Variants in ZDHHC2 observed in about 807,000 individuals in gnomAD.
The protein encoded by ZDHHC2 is palmitoyltransferase ZDHHC2.
ZDHHC2 carries 51 observed loss-of-function variants against 55.6 expected under a neutral mutation model. The observed-to-expected ratio is 0.92, with a 90% CI of 0.73 to 1.16. ZDHHC2 has a LOEUF of 1.16. Among genes scored for constraint, ZDHHC2 ranks in the 50% most tolerant of loss-of-function variants. The pLI is 0.00. For missense variants in ZDHHC2, 491 were observed against 442.4 expected (o/e 1.11, Z -0.99); for synonymous variants, 199 against 152.9 (o/e 1.30, Z -2.22).
intron 12 of ZDHHC2, among the ~76,000 whole-genome samples, chr8:17,218,991 C>T (rs968985958): frequency 6.6e-6 from 1 of 151,268 alleles, no homozygotes; most frequent in African/African-American, 2.4e-5. Flanking sequence ...TGGCTCACGC[C>T]TGGTAATCCC....
intron 6 of ZDHHC2, among the ~76,000 whole-genome samples, chr8:17,201,464 CTT>C (rs1355156266): frequency 7.5e-6 from 1 of 133,902 alleles, no homozygotes; most frequent in African/African-American, 2.7e-5. Flanking sequence ...CAGGGGCAGC[CTT>C]TTCTCTCTCT....
chr8:17,179,922 G>C (rs1478785506), intron 1 of ZDHHC2, among the ~76,000 whole-genome samples: 1 of 152,156 alleles, frequency 6.6e-6, no homozygotes, highest in Admixed American at 6.5e-5. Flanking sequence ...TATCATTGTA[G>C]GGCATGGACC....
At chr8:17,187,132 C>G (rs752255451) in intron 3 of ZDHHC2, among the ~76,000 whole-genome samples, 4 of 152,156 alleles carry the variant, frequency 2.6e-5, no homozygotes, top group African/African-American at 9.7e-5. Context: ...CCTTTCTTCT[C>G]GATGACCATG....
intron 1 of ZDHHC2, 77 bp downstream of exon 1, chr8:17,156,930 T>A (rs1563426381): frequency 1.5e-6 from 2 of 1,342,102 alleles, no homozygotes; most frequent in Admixed American, 3.3e-5. Flanking sequence ...CAGCCGCTCC[T>A]CCGCTCTCGC....
chr8:17,172,637 C>A (rs1454344570), intron 1 of ZDHHC2, among the ~76,000 whole-genome samples: 1 of 152,142 alleles, frequency 6.6e-6, no homozygotes, highest in African/African-American at 2.4e-5. Flanking sequence ...CACTTATAAC[C>A]TGGAGACTTT....
chr8:17,164,966 A>G (rs1478889745), intron 1 of ZDHHC2, among the ~76,000 whole-genome samples: 1 of 152,210 alleles, frequency 6.6e-6, no homozygotes, highest in Admixed American at 6.5e-5. Context: ...TTTGGATCCC[A>G]TGAGTCCTCT....
intron 3 of ZDHHC2, among the ~76,000 whole-genome samples, chr8:17,194,321 A>G (rs1303386295): frequency 6.8e-6 from 1 of 146,678 alleles, no homozygotes; most frequent in Non-Finnish European, 1.5e-5. Context: ...ATTTTTGTAT[A>G]TATACAAAAT....
chr8:17,220,461 G>A lies in ZDHHC2; in HGVS notation c.*240G>A, dbSNP rs1807872848. 6.6e-6 allele frequency: 1 copy of A among 152,144 alleles called. No homozygotes were observed. Among genetic ancestry groups the A allele is most frequent in the South Asian group, 2.1e-4 (1 of 4,840 alleles). 9.4% of individuals were successfully genotyped at this position (152,144 alleles called of 1,614,324 possible). The stretch of plus-strand genomic sequence containing the variant: ...CTATTAAATATTAAAAGTAGTTCTG[G>A]TTTATTAATCAACGGGGAAAACATC... On this transcript the variant is annotated 3_prime_UTR_variant, in exon 13 of 13. Transcript: ENST00000262096.
intron 1 of ZDHHC2, 28 bp from the exon 2 acceptor site, chr8:17,184,761 A>G: frequency 1.3e-6 from 2 of 1,545,226 alleles, no homozygotes; most frequent in Admixed American, 2.0e-5. Context: ...AGCTTCATGT[A>G]ACCTATTACC....
At chr8:17,182,789 T>C (rs1028266914) in intron 1 of ZDHHC2, among the ~76,000 whole-genome samples, 1 of 151,900 alleles carries the variant, frequency 6.6e-6, no homozygotes, top group Non-Finnish European at 1.5e-5. Flanking sequence ...TGAGACAGAG[T>C]CTCACTCTGT....
rs746447493 is a variant in ZDHHC2 at position 17,210,347 on chromosome 8, CT to C, written c.858-37del. The stretch of plus-strand genomic sequence containing the variant: ...TTTTGGCAGGGTTTCACTCCGTTGT[CT>C]TTTGTATGGTTCAGTTCTAAATTTT... On this transcript the variant is annotated intron_variant, in intron 9 of 12. Transcript: ENST00000262096. 1.9e-6 allele frequency: 3 copies of C among 1,585,810 alleles called. No individual in the cohort carries two copies. The East Asian group carries it at 6.7e-5, about 36-fold the overall frequency.
rs2150956187 is a variant in ZDHHC2 at position 17,222,141 on chromosome 8, C to T, written c.*1920C>T. 1 of 151,664 alleles carries T rather than the reference C, an allele frequency of 6.6e-6. No individual in the cohort carries two copies. Among genetic ancestry groups the T allele is most frequent in the Non-Finnish European group, 1.5e-5 (1 of 67,746 alleles). 9.4% of individuals were successfully genotyped at this position (151,664 alleles called of 1,614,324 possible). The stretch of plus-strand genomic sequence containing the variant: ...ACTGTTAATGCCCCTTTCCCACAGT[C>T]TTTTATATAATTAAATATATGTCAA... On this transcript the variant is annotated 3_prime_UTR_variant, in exon 13 of 13. Transcript: ENST00000262096.
intron 10 of ZDHHC2, among the ~76,000 whole-genome samples, chr8:17,212,030 C>T (rs1807412442): frequency 6.6e-6 from 1 of 152,056 alleles, no homozygotes; most frequent in Admixed American, 6.6e-5. Flanking sequence ...CCACTAAGGG[C>T]ACCATGAGAT....
intron 3 of ZDHHC2, among the ~76,000 whole-genome samples, chr8:17,190,388 C>G (rs1805956684): frequency 6.6e-6 from 1 of 152,138 alleles, no homozygotes; most frequent in Admixed American, 6.5e-5. Flanking sequence ...GAAGAAAGAG[C>G]CCTTGTCTGG....
At chr8:17,175,343 A>G (rs1373758581) in intron 1 of ZDHHC2, among the ~76,000 whole-genome samples, 1 of 152,132 alleles carries the variant, frequency 6.6e-6, no homozygotes. Flanking sequence ...ATTCACCCAC[A>G]TTGTAATTTA....
At chr8:17,214,968 T>G (rs1183656412) in intron 10 of ZDHHC2, among the ~76,000 whole-genome samples, 1 of 152,192 alleles carries the variant, frequency 6.6e-6, no homozygotes, top group Non-Finnish European at 1.5e-5. Context: ...AGCCTGGGGC[T>G]GAAGACTATT....
At chr8:17,187,282 G>C (rs1170255981) in intron 3 of ZDHHC2, among the ~76,000 whole-genome samples, 1 of 152,178 alleles carries the variant, frequency 6.6e-6, no homozygotes, top group Non-Finnish European at 1.5e-5. Flanking sequence ...ATGCATCCTG[G>C]TTAAACGTTC....
At chr8:17,187,439 G>A (rs768555171) in intron 3 of ZDHHC2, among the ~76,000 whole-genome samples, 3 of 151,970 alleles carry the variant, frequency 2.0e-5, no homozygotes, top group East Asian at 1.9e-4. Context: ...ACTGTAGACT[G>A]TTTACTGAAG....
chr8:17,167,094 A>G (rs1316088692), intron 1 of ZDHHC2, among the ~76,000 whole-genome samples: 11 of 152,150 alleles, frequency 7.2e-5, no homozygotes, highest in Admixed American at 4.6e-4. Context: ...CACAGAGGTT[A>G]ACACGTACTA....
Sources: allele counts gnomAD v4.1 joint callset (sites outside exome capture counted in the v4.1 genomes callset), GRCh38; gene constraint gnomAD v4.1.1; transcripts MANE v1.5; gene names NCBI Gene and HGNC (gene_info 2026-07-23, HGNC 2026-07-21).